GPHN: variants seen among roughly 807,000 people sequenced by gnomAD.
The protein encoded by GPHN is gephyrin.
GPHN carries 17 observed loss-of-function variants against 95.5 expected under a neutral mutation model. The ratio of observed to expected loss-of-function variants is 0.18; its 90% confidence interval spans 0.12 to 0.27. GPHN has a LOEUF of 0.27. Ranked by LOEUF, GPHN falls within the 10% of genes least tolerant of loss-of-function variation. The pLI, the probability that GPHN is intolerant of heterozygous loss-of-function variation, is 1.00. For synonymous variants in GPHN, 320 were observed against 322.5 expected, an observed-to-expected ratio of 0.99 and a Z score of 0.08; for missense variants, 660 against 978.1, an observed-to-expected ratio of 0.67 and a Z score of 4.34.
At chr14:67,296,339 G>A in the GPHN span, among the ~76,000 whole-genome samples, 52 of 152,080 alleles carry the variant, frequency 3.4e-4, 1 homozygote, top group Admixed American at 2.4e-3. Flanking sequence ...AGTGGCTCAC[G>A]CCTGTAATCC....
intron 4 of GPHN, among the ~76,000 whole-genome samples, chr14:66,844,394 AAAG>A (rs774005027): frequency 9.1e-4 from 138 of 152,288 alleles, no homozygotes; most frequent in Middle Eastern, 3.4e-3. Context: ...TACAAGAACC[AAAG>A]AAGAATTTTG....
the GPHN span, among the ~76,000 whole-genome samples, chr14:67,609,556 G>A: frequency 6.6e-6 from 1 of 152,118 alleles, no homozygotes; most frequent in Non-Finnish European, 1.5e-5. Context: ...TGTGTGTGTT[G>A]GGGGTGGGGC....
chr14:67,026,799 C>T (rs1275869074), intron 10 of GPHN, among the ~76,000 whole-genome samples: 2 of 152,068 alleles, frequency 1.3e-5, no homozygotes, highest in Non-Finnish European at 2.9e-5. Context: ...CCCGCCACCT[C>T]GCCCGGCTAA....
At chr14:66,830,621 G>T (rs1302898455) in intron 4 of GPHN, among the ~76,000 whole-genome samples, 1 of 152,054 alleles carries the variant, frequency 6.6e-6, no homozygotes, top group Non-Finnish European at 1.5e-5. Context: ...ATTTAAAAGA[G>T]TTCTTATAAC....
At chr14:67,276,623 G>A in the GPHN span, among the ~76,000 whole-genome samples, 2 of 152,144 alleles carry the variant, frequency 1.3e-5, no homozygotes, top group Non-Finnish European at 2.9e-5. Context: ...TTTAGAACCT[G>A]TTAAGGAGAT....
the GPHN span, among the ~76,000 whole-genome samples, chr14:67,345,039 C>T: frequency 2.6e-5 from 4 of 151,570 alleles, no homozygotes; most frequent in Non-Finnish European, 4.4e-5. Flanking sequence ...CCCAGGAGTT[C>T]GAGACCAGCC....
At chr14:67,615,386 A>T in the GPHN span, 4,809 of 161,034 alleles carry the variant, frequency 0.03, 230 homozygotes, top group African/African-American at 0.11. Context: ...AATGAATTAT[A>T]GGCAGTACAT....
At chr14:67,284,547 T>TTAAA in the GPHN span, among the ~76,000 whole-genome samples, 1 of 23,296 alleles carries the variant, frequency 4.3e-5, no homozygotes, top group African/African-American at 1.2e-4. Context: ...GCTGCAGTGC[T>TTAAA]AAAAAAAAAA....
intron 1 of GPHN, among the ~76,000 whole-genome samples, chr14:66,676,532 G>T (rs2066596330): frequency 6.6e-6 from 1 of 152,014 alleles, no homozygotes; most frequent in South Asian, 2.1e-4. Context: ...AATTTTATCA[G>T]ATGCTTTCTT....
chr14:67,420,157 G>A, the GPHN span, among the ~76,000 whole-genome samples: 1 of 152,188 alleles, frequency 6.6e-6, no homozygotes, highest in African/African-American at 2.4e-5. Flanking sequence ...CTGAAGCCAG[G>A]TGCCAGGCAG....
intron 1 of GPHN, among the ~76,000 whole-genome samples, chr14:66,542,916 TGGCTCAC>T (rs2059405930): frequency 6.6e-6 from 1 of 152,202 alleles, no homozygotes; most frequent in Non-Finnish European, 1.5e-5. Context: ...GAGGTTTAAT[TGGCTCAC>T]GATTCTGCAG....
intron 10 of GPHN, among the ~76,000 whole-genome samples, chr14:67,025,907 A>T (rs182667142): frequency 6.6e-6 from 1 of 152,192 alleles, no homozygotes. Context: ...ATATCCATCA[A>T]TCCCAAATGA....
At chr14:67,240,945 A>G in the GPHN span, among the ~76,000 whole-genome samples, 3 of 152,260 alleles carry the variant, frequency 2.0e-5, no homozygotes, top group Non-Finnish European at 4.4e-5. Context: ...ACTTGACAGG[A>G]CATGAGGAAT....
intron 10 of GPHN, among the ~76,000 whole-genome samples, chr14:67,044,144 C>T (rs546098634): frequency 6.6e-6 from 1 of 152,154 alleles, no homozygotes; most frequent in Admixed American, 6.5e-5. Context: ...TGAAACCAGC[C>T]TGGCCAACAT....
At chr14:67,096,642 A>T (rs1318148861) in intron 12 of GPHN, among the ~76,000 whole-genome samples, 19 of 141,724 alleles carry the variant, frequency 1.3e-4, no homozygotes, top group Admixed American at 9.4e-4. Context: ...TTGAGACAGG[A>T]TCTCGCTATG....
At chr14:67,271,727 T>G in the GPHN span, 1 of 152,196 alleles carries the variant, frequency 6.6e-6, no homozygotes, top group African/African-American at 2.4e-5. Context: ...AAGGGAAATA[T>G]GAGTTTAATT....
chr14:67,255,160 A>G, the GPHN span, among the ~76,000 whole-genome samples: 1 of 152,176 alleles, frequency 6.6e-6, no homozygotes. Context: ...AAAAAAAAAA[A>G]AAGTTCGAAT....
At chr14:66,774,832 A>G (rs1190269821) in intron 2 of GPHN, among the ~76,000 whole-genome samples, 1 of 152,208 alleles carries the variant, frequency 6.6e-6, no homozygotes, top group Non-Finnish European at 1.5e-5. Context: ...CATTTTAAAA[A>G]TATAGCTACA....
At chr14:66,764,286 A>G (rs777056643) in intron 2 of GPHN, among the ~76,000 whole-genome samples, 4 of 152,082 alleles carry the variant, frequency 2.6e-5, no homozygotes, top group East Asian at 1.9e-4. Flanking sequence ...GTCTTTCTAT[A>G]TAAGGGACTT....
Sources: allele counts gnomAD v4.1 joint callset (sites outside exome capture counted in the v4.1 genomes callset), GRCh38; gene constraint gnomAD v4.1.1; transcripts MANE v1.5; gene names NCBI Gene and HGNC (gene_info 2026-07-23, HGNC 2026-07-21).